The following XKR4 variants were observed in gnomAD, a reference collection of about 807,000 sequenced individuals.
The protein encoded by XKR4 is XK-related protein 4.
A neutral mutation model predicts 53.9 loss-of-function variants in XKR4; 12 were observed. That is an observed-to-expected ratio of 0.22 (90% CI 0.14 to 0.36). The LOEUF (loss-of-function observed/expected upper bound fraction) is 0.36, where lower values mean the gene tolerates loss of function less well. XKR4 is among the 10% of genes least tolerant of loss of function. The pLI, the probability that XKR4 is intolerant of heterozygous loss-of-function variation, is 1.00. For missense variants in XKR4, 799 were observed against 859.5 expected (o/e 0.93, Z 0.88); for synonymous variants, 354 against 362.4 (o/e 0.98, Z 0.26).
At chr8:55,447,421 A>C (rs747555947) in intron 2 of XKR4, among the ~76,000 whole-genome samples, 1 of 152,192 alleles carries the variant, frequency 6.6e-6, no homozygotes, top group Non-Finnish European at 1.5e-5. Flanking sequence ...GGAAGATAAC[A>C]CACACAGACT....
intron 2 of XKR4, among the ~76,000 whole-genome samples, chr8:55,425,136 TAG>T (rs1804993769): frequency 6.6e-6 from 1 of 152,150 alleles, no homozygotes; most frequent in Non-Finnish European, 1.5e-5. Flanking sequence ...CCCTCAATAA[TAG>T]AGTCACATAT....
At chr8:55,407,144 G>T (rs1459413056) in intron 2 of XKR4, among the ~76,000 whole-genome samples, 2 of 152,142 alleles carry the variant, frequency 1.3e-5, no homozygotes, top group Non-Finnish European at 2.9e-5. Context: ...GACTCCAAAT[G>T]AACAATCTCA....
intron 1 of XKR4, chr8:55,164,548 T>C (rs1412417717): frequency 2.3e-6 from 1 of 428,910 alleles, no homozygotes. Context: ...CTTTTTACAT[T>C]GAGGGTAGTG....
intron 2 of XKR4, among the ~76,000 whole-genome samples, chr8:55,418,388 T>G (rs1804880239): frequency 6.6e-6 from 1 of 152,230 alleles, no homozygotes. Flanking sequence ...GCTAAAACCC[T>G]TTCTGCTATT....
intron 2 of XKR4, among the ~76,000 whole-genome samples, chr8:55,431,605 G>A (rs904950538): frequency 3.3e-5 from 5 of 152,146 alleles, no homozygotes; most frequent in African/African-American, 1.2e-4. Flanking sequence ...TTCTTTGTTA[G>A]CATTTATCAA....
At chr8:55,397,313 G>A (rs1453527734) in intron 2 of XKR4, among the ~76,000 whole-genome samples, 3 of 152,136 alleles carry the variant, frequency 2.0e-5, no homozygotes, top group African/African-American at 7.2e-5. Flanking sequence ...CCTCTATTGT[G>A]TAATCTCAGT....
intron 2 of XKR4, among the ~76,000 whole-genome samples, chr8:55,502,969 A>G (rs1371876527): frequency 6.6e-6 from 1 of 152,042 alleles, no homozygotes; most frequent in Non-Finnish European, 1.5e-5. Context: ...TCCTTTCCCC[A>G]TTGAATGTCT....
At chr8:55,172,691 TC>T (rs1183012810) in intron 1 of XKR4, among the ~76,000 whole-genome samples, 1 of 152,208 alleles carries the variant, frequency 6.6e-6, no homozygotes, top group Non-Finnish European at 1.5e-5. Context: ...AGGTTTACAG[TC>T]TGTCTGTTCA....
Position 55,533,026 on chromosome 8 carries a change from C to G in XKR4, c.*8799C>G, listed in dbSNP as rs185697685. 3.2e-3 allele frequency: 486 copies of G among 152,210 alleles called. 4 individuals are homozygous for G. The highest frequency in any genetic ancestry group is 0.011 in the African/African-American group (455 of 41,538). The allele number at this position is 152,210 out of a possible 1,614,324, so 9.4% of individuals were successfully genotyped here. ...GTGGCATTCTGGTATGGAGCTGTAT[C>G]AAATCAACACTTTTAATTATTTCAC... On this transcript the variant is annotated 3_prime_UTR_variant, in exon 3 of 3. Coordinates refer to ENST00000327381, the MANE Select transcript of XKR4 (RefSeq NM_052898.2).
intron 2 of XKR4, among the ~76,000 whole-genome samples, chr8:55,405,307 C>T (rs1375394043): frequency 6.6e-6 from 1 of 152,222 alleles, no homozygotes; most frequent in Non-Finnish European, 1.5e-5. Context: ...AATCTAATAG[C>T]AGCAGACAGG....
In XKR4 at chr8:55,270,022, T is replaced by C. The variant is rs540324532; in HGVS notation, c.807-87656T>C. On this transcript the variant is annotated intron_variant, in intron 1 of 2. Transcript: ENST00000327381. ...TGGCATTGCTGTCAAAATCCTTACATGTCATTTAACAGTAGGCCAAATGTG... is the reference window on the plus strand; with the variant it reads ...TGGCATTGCTGTCAAAATCCTTACACGTCATTTAACAGTAGGCCAAATGTG... Among the ~76,000 whole-genome samples the C allele has an allele frequency of 2.4e-4, 36 of 152,330 alleles. No homozygotes were observed. In the South Asian group the frequency reaches 6.0e-3, roughly 25 times the overall value.
At chr8:55,296,927 G>T (rs867930333) in intron 1 of XKR4, among the ~76,000 whole-genome samples, 3 of 152,166 alleles carry the variant, frequency 2.0e-5, no homozygotes, top group South Asian at 4.1e-4. Context: ...AATACATTTG[G>T]GTTCTTATTT....
intron 1 of XKR4, among the ~76,000 whole-genome samples, chr8:55,305,055 A>AT (rs1819274141): frequency 6.6e-6 from 1 of 152,158 alleles, no homozygotes; most frequent in African/African-American, 2.4e-5. Context: ...TGGGAGAGAG[A>AT]GGCACCCAGA....
intron 2 of XKR4, among the ~76,000 whole-genome samples, chr8:55,468,568 AT>A (rs1036599331): frequency 6.6e-6 from 1 of 152,192 alleles, no homozygotes; most frequent in African/African-American, 2.4e-5. Flanking sequence ...GTATTAAAAA[AT>A]AATGATGAAA....
chr8:55,138,171 T>A (rs1345109628), intron 1 of XKR4, among the ~76,000 whole-genome samples: 2 of 152,182 alleles, frequency 1.3e-5, no homozygotes, highest in Non-Finnish European at 2.9e-5. Flanking sequence ...GTTCCTTTTT[T>A]TTTGTTCTCA....
At chr8:55,438,485 G>A (rs1805211123) in intron 2 of XKR4, among the ~76,000 whole-genome samples, 1 of 151,568 alleles carries the variant, frequency 6.6e-6, no homozygotes, top group Non-Finnish European at 1.5e-5. Context: ...AGCTACTCAG[G>A]AGGCTGAGGA....
At chr8:55,222,532 A>G (rs991055125) in intron 1 of XKR4, among the ~76,000 whole-genome samples, 3 of 152,238 alleles carry the variant, frequency 2.0e-5, no homozygotes, top group African/African-American at 7.2e-5. Flanking sequence ...AAAGTAGATC[A>G]TTACTATGAT....
intron 2 of XKR4, among the ~76,000 whole-genome samples, chr8:55,406,810 T>C (rs180922920): frequency 6.6e-6 from 1 of 152,198 alleles, no homozygotes; most frequent in Non-Finnish European, 1.5e-5. Flanking sequence ...GTGTCTACTA[T>C]AGGAAAGAGT....
chr8:55,471,554 G>T (rs796154653), intron 2 of XKR4, among the ~76,000 whole-genome samples: 6 of 152,292 alleles, frequency 3.9e-5, no homozygotes, highest in African/African-American at 1.4e-4. Context: ...AAGGAACAGA[G>T]CTGTAAAGCA....
Sources: gnomAD v4.1 joint callset for allele counts (sites outside exome capture counted in the v4.1 genomes callset) on GRCh38, gnomAD v4.1.1 for gene constraint, MANE v1.5 for transcripts, NCBI Gene and HGNC (gene_info 2026-07-23, HGNC 2026-07-21) for gene names.